The following CNTN5 variants were observed in gnomAD, a reference collection of about 807,000 sequenced individuals.
CNTN5 encodes the protein contactin 5.
CNTN5 carries 77 observed loss-of-function variants against 129.1 expected under a neutral mutation model. The observed-to-expected ratio is 0.60, with a 90% CI of 0.50 to 0.72. The LOEUF is 0.72. Among genes scored for constraint, CNTN5 ranks in the 30% least tolerant of loss-of-function variants. The pLI is 0.00. For missense variants in CNTN5, 1,478 were observed against 1,328.8 expected, an observed-to-expected ratio of 1.11 and a Z score of -1.75; for synonymous variants, 509 against 465.6, an observed-to-expected ratio of 1.09 and a Z score of -1.20.
At chr11:99,211,773 C>T (rs1373460140) in intron 1 of CNTN5, among the ~76,000 whole-genome samples, 1 of 152,072 alleles carries the variant, frequency 6.6e-6, no homozygotes, top group Non-Finnish European at 1.5e-5. Flanking sequence ...GTTTTCATAG[C>T]ACCCTGTTCA....
At chr11:100,247,725 A>G (rs559375930) in intron 16 of CNTN5, among the ~76,000 whole-genome samples, 1 of 152,300 alleles carries the variant, frequency 6.6e-6, no homozygotes, top group African/African-American at 2.4e-5. Flanking sequence ...TGAATACATC[A>G]GCTTTGCAGG....
intron 6 of CNTN5, among the ~76,000 whole-genome samples, chr11:99,889,528 TC>T (rs2135899032): frequency 1.3e-5 from 2 of 148,846 alleles, no homozygotes; most frequent in Admixed American, 6.7e-5. Context: ...CACTAGACAT[TC>T]TTTTTTTTTT....
chr11:99,683,354 G>T (rs1953644393), intron 3 of CNTN5, among the ~76,000 whole-genome samples: 1 of 151,788 alleles, frequency 6.6e-6, no homozygotes, highest in African/African-American at 2.4e-5. Flanking sequence ...TTTTCCATAT[G>T]GATATGCAAC....
At chr11:99,712,845 T>C (rs1386850454) in intron 3 of CNTN5, among the ~76,000 whole-genome samples, 1 of 152,134 alleles carries the variant, frequency 6.6e-6, no homozygotes, top group Non-Finnish European at 1.5e-5. Flanking sequence ...TATATATCTG[T>C]TGTGGTACTA....
At chr11:99,835,957 A>G (rs1947288567) in intron 4 of CNTN5, among the ~76,000 whole-genome samples, 1 of 152,096 alleles carries the variant, frequency 6.6e-6, no homozygotes, top group Non-Finnish European at 1.5e-5. Context: ...CTTATGCAAG[A>G]AAGAATTTAG....
At chr11:99,517,615 C>T (rs1565252199) in intron 2 of CNTN5, among the ~76,000 whole-genome samples, 1 of 152,020 alleles carries the variant, frequency 6.6e-6, no homozygotes, top group Non-Finnish European at 1.5e-5. Flanking sequence ...ATTTTCTCAC[C>T]TGCCTTTCTT....
At chr11:99,145,220 C>A (rs1859717969) in intron 1 of CNTN5, among the ~76,000 whole-genome samples, 1 of 152,104 alleles carries the variant, frequency 6.6e-6, no homozygotes, top group Non-Finnish European at 1.5e-5. Context: ...CAAGCATGAG[C>A]AACCATGCCT....
intron 2 of CNTN5, among the ~76,000 whole-genome samples, chr11:99,354,115 T>C (rs1023879121): frequency 2.0e-5 from 3 of 152,182 alleles, no homozygotes; most frequent in African/African-American, 7.2e-5. Context: ...TAACTACAGG[T>C]TTCTTAAGAA....
At chr11:99,390,665 A>C (rs1477644790) in intron 2 of CNTN5, among the ~76,000 whole-genome samples, 1 of 152,116 alleles carries the variant, frequency 6.6e-6, no homozygotes, top group Non-Finnish European at 1.5e-5. Context: ...TGTCTCTAAA[A>C]TTTTCCTGTG....
rs538174487 is a variant in CNTN5, at chr11:99,346,264, G to A, written c.-71+20780G>A. 1.7e-4 allele frequency among the ~76,000 whole-genome samples: 26 copies of A among 152,286 alleles called. No individual in the cohort carries two copies. In the South Asian group the frequency reaches 3.3e-3, roughly 19 times the overall value. ...GCTTAATTGATGATGATCAACAATC[G>A]ATTGATTATCAACAAAGAATTGAAT... On this transcript the variant is annotated intron_variant, in intron 2 of 24. Transcript: ENST00000524871.
chr11:99,079,077 C>A (rs185221233), intron 1 of CNTN5, among the ~76,000 whole-genome samples: 1 of 152,174 alleles, frequency 6.6e-6, no homozygotes, highest in Admixed American at 6.5e-5. Context: ...ATATACCCAT[C>A]TACCTATAAA....
chr11:100,337,968 G>T (rs562169866), intron 21 of CNTN5, among the ~76,000 whole-genome samples: 1 of 152,180 alleles, frequency 6.6e-6, no homozygotes, highest in African/African-American at 2.4e-5. Flanking sequence ...AAGTCAATTT[G>T]TCCCAGTCAT....
intron 1 of CNTN5, among the ~76,000 whole-genome samples, chr11:99,046,267 G>C (rs925916376): frequency 2.0e-5 from 3 of 152,130 alleles, no homozygotes; most frequent in Non-Finnish European, 4.4e-5. Context: ...TTGAACCCAG[G>C]AGGTGGAGGT....
chr11:99,097,121 T>C lies in CNTN5; in HGVS notation c.-210+75851T>C, dbSNP rs186921062. Among the ~76,000 whole-genome samples the C allele has an allele frequency of 4.6e-5, 7 of 152,052 alleles. No individual in the cohort carries two copies. In the East Asian group the frequency reaches 1.4e-3, roughly 29 times the overall value. The stretch of plus-strand genomic sequence containing the variant: ...TTCACTTTTCTTATAATCCAAATAA[T>C]TGGAGTTAGATAAATATCATAAAGA... On this transcript the variant is annotated intron_variant, in intron 1 of 24. Transcript: ENST00000524871.
At chr11:99,532,605 A>G (rs1423942916) in intron 2 of CNTN5, among the ~76,000 whole-genome samples, 1 of 152,182 alleles carries the variant, frequency 6.6e-6, no homozygotes, top group Non-Finnish European at 1.5e-5. Flanking sequence ...AGGAGGAGAT[A>G]ATGGAATCAT....
intron 1 of CNTN5, among the ~76,000 whole-genome samples, chr11:99,287,330 A>C (rs1863981064): frequency 6.6e-6 from 1 of 152,092 alleles, no homozygotes; most frequent in Admixed American, 6.5e-5. Flanking sequence ...TGCCTCCTTG[A>C]GATTTTAAAA....
chr11:99,488,254 C>T (rs930420594), intron 2 of CNTN5, among the ~76,000 whole-genome samples: 5 of 150,526 alleles, frequency 3.3e-5, no homozygotes, highest in Admixed American at 2.7e-4. Context: ...CTCACTGGAA[C>T]CTCCATCTCC....
chr11:100,043,912 C>G (rs72996837), intron 9 of CNTN5, among the ~76,000 whole-genome samples: 18,257 of 151,904 alleles, frequency 0.12, 1,333 homozygotes, highest in Middle Eastern at 0.26. Context: ...TATATAAATT[C>G]AAGGGGTACA....
At chr11:99,252,578 C>T (rs967985867) in intron 1 of CNTN5, among the ~76,000 whole-genome samples, 7 of 151,684 alleles carry the variant, frequency 4.6e-5, no homozygotes, top group South Asian at 2.1e-4. Context: ...TAAACATCCC[C>T]CTAGACCTAT....
Sources: allele counts gnomAD v4.1 joint callset (sites outside exome capture counted in the v4.1 genomes callset), GRCh38; gene constraint gnomAD v4.1.1; transcripts MANE v1.5; gene names NCBI Gene and HGNC (gene_info 2026-07-23, HGNC 2026-07-21).